Variants in PDE4D observed in about 807,000 individuals in gnomAD.
PDE4D encodes 3',5'-cyclic-AMP phosphodiesterase 4D.
In PDE4D, 24 loss-of-function variants were observed where a neutral mutation model predicts 87.4. That is an observed-to-expected ratio of 0.27 (90% confidence interval 0.20 to 0.39). PDE4D has a LOEUF of 0.39. PDE4D is among the 10% of genes least tolerant of loss of function. PDE4D has a pLI of 1.00. For synonymous variants in PDE4D, 384 were observed against 383.2 expected, an observed-to-expected ratio of 1.00 and a Z score of -0.02; for missense variants, 714 against 1,041.0, an observed-to-expected ratio of 0.69 and a Z score of 4.32.
intron 2 of PDE4D, among the ~76,000 whole-genome samples, chr5:60,102,031 G>C (rs959744807): frequency 1.3e-5 from 2 of 152,002 alleles, no homozygotes; most frequent in African/African-American, 2.4e-5. Flanking sequence ...ATTGAGTTTG[G>C]AGTCACTGAT....
chr5:60,350,704 A>G (rs1345033311), intron 1 of PDE4D, among the ~76,000 whole-genome samples: 1 of 152,182 alleles, frequency 6.6e-6, no homozygotes, highest in Non-Finnish European at 1.5e-5. Flanking sequence ...ATATATATGA[A>G]ATAAACTAAT....
At chr5:60,073,959 AT>A (rs1773012305) in intron 2 of PDE4D, among the ~76,000 whole-genome samples, 1 of 151,514 alleles carries the variant, frequency 6.6e-6, no homozygotes, top group African/African-American at 2.4e-5. Context: ...TGTCTTATTA[AT>A]TTTTCAAAAA....
At chr5:59,863,611 T>C (rs764239133) in intron 1 of PDE4D, among the ~76,000 whole-genome samples, 23 of 152,154 alleles carry the variant, frequency 1.5e-4, no homozygotes, top group Non-Finnish European at 3.1e-4. Context: ...TGATGGTACT[T>C]CTATCTACAT....
intron 2 of PDE4D, among the ~76,000 whole-genome samples, chr5:60,175,494 C>T (rs770097342): frequency 3.9e-5 from 6 of 151,972 alleles, no homozygotes; most frequent in Non-Finnish European, 7.4e-5. Flanking sequence ...TGCTGAAAGC[C>T]GGATATCTTG....
At chr5:59,990,230 C>T (rs1274505554) in intron 2 of PDE4D, among the ~76,000 whole-genome samples, 4 of 152,066 alleles carry the variant, frequency 2.6e-5, no homozygotes, top group Non-Finnish European at 4.4e-5. Flanking sequence ...TAATATTTAC[C>T]TCTCGGAGTC....
At chr5:59,675,466 G>A (rs1261923080) in intron 1 of PDE4D, among the ~76,000 whole-genome samples, 1 of 152,076 alleles carries the variant, frequency 6.6e-6, no homozygotes, top group East Asian at 1.9e-4. Flanking sequence ...TGATATTTTT[G>A]GCAAAATATC....
At chr5:59,668,090 G>A (rs1746373231) in intron 1 of PDE4D, among the ~76,000 whole-genome samples, 1 of 152,158 alleles carries the variant, frequency 6.6e-6, no homozygotes, top group Non-Finnish European at 1.5e-5. Flanking sequence ...AGCAGTTCAA[G>A]TCTCTTTGAT....
intron 2 of PDE4D, among the ~76,000 whole-genome samples, chr5:60,047,183 A>G (rs1223699594): frequency 2.0e-5 from 3 of 152,152 alleles, no homozygotes; most frequent in Non-Finnish European, 4.4e-5. Context: ...CTCTGATGGT[A>G]GTTTGTATTT....
At chr5:60,029,703 A>G (rs933905421) in intron 2 of PDE4D, among the ~76,000 whole-genome samples, 1 of 150,250 alleles carries the variant, frequency 6.7e-6, no homozygotes, top group Admixed American at 6.6e-5. Flanking sequence ...TTCATCATCT[A>G]CCACCCGCCA....
chr5:59,542,012 T>C (rs1816438599), intron 1 of PDE4D, among the ~76,000 whole-genome samples: 1 of 152,178 alleles, frequency 6.6e-6, no homozygotes, highest in South Asian at 2.1e-4. Context: ...CACAATGTTT[T>C]GTTGCCCCTT....
At chr5:59,962,059 G>A (rs1413868086) in intron 3 of PDE4D, among the ~76,000 whole-genome samples, 1 of 151,442 alleles carries the variant, frequency 6.6e-6, no homozygotes, top group African/African-American at 2.4e-5. Context: ...AATTTTTTTA[G>A]ATTAAAGGAC....
At chr5:59,653,052 C>T (rs1354132971) in intron 1 of PDE4D, among the ~76,000 whole-genome samples, 1 of 151,582 alleles carries the variant, frequency 6.6e-6, no homozygotes, top group Non-Finnish European at 1.5e-5. Flanking sequence ...ACATTTCCAT[C>T]CAAAAAAAGA....
At chr5:60,274,339 CGTTGTTGTTGTTGTT>C (rs34740331) in intron 1 of PDE4D, among the ~76,000 whole-genome samples, 1 of 150,166 alleles carries the variant, frequency 6.7e-6, no homozygotes, top group African/African-American at 2.5e-5. Flanking sequence ...TGGTTCTTGT[CGTTGTTGTTGTTGTT>C]GTTGTTGTTG....
intron 1 of PDE4D, among the ~76,000 whole-genome samples, chr5:59,659,767 G>A (rs1463399854): frequency 6.6e-6 from 1 of 152,184 alleles, no homozygotes; most frequent in African/African-American, 2.4e-5. Flanking sequence ...CTGCTACAGT[G>A]TGCACGAAAT....
intron 2 of PDE4D, among the ~76,000 whole-genome samples, chr5:60,051,262 T>C (rs1459455033): frequency 6.6e-6 from 1 of 152,136 alleles, no homozygotes; most frequent in African/African-American, 2.4e-5. Context: ...CTTGTCACAC[T>C]GATTCTAAAA....
intron 1 of PDE4D, among the ~76,000 whole-genome samples, chr5:60,358,510 TG>T (rs1759803680): frequency 6.6e-6 from 1 of 152,148 alleles, no homozygotes; most frequent in Non-Finnish European, 1.5e-5. Context: ...TATCTCATTC[TG>T]ATAGATATTC....
chr5:59,844,635 C>T (rs1743542483), intron 1 of PDE4D, among the ~76,000 whole-genome samples: 1 of 152,022 alleles, frequency 6.6e-6, no homozygotes, highest in Non-Finnish European at 1.5e-5. Flanking sequence ...GAAAATCCTT[C>T]CTTGTGGTAG....
intron 1 of PDE4D, among the ~76,000 whole-genome samples, 168 bp from the exon 2 acceptor site, chr5:59,216,136 A>T (rs950904306): frequency 3.3e-4 from 51 of 152,300 alleles, no homozygotes; most frequent in African/African-American, 1.1e-3. Context: ...TAAAAGAAAA[A>T]CACATTGACT....
chr5:60,501,813 T>C (rs1356691358), intron 1 of PDE4D, among the ~76,000 whole-genome samples: 1 of 152,234 alleles, frequency 6.6e-6, no homozygotes, highest in Admixed American at 6.5e-5. Context: ...TTGAGAAGTG[T>C]CTGTTCGTGT....
Sources: gnomAD v4.1 joint callset for allele counts (sites outside exome capture counted in the v4.1 genomes callset) on GRCh38, gnomAD v4.1.1 for gene constraint, MANE v1.5 for transcripts, NCBI Gene and HGNC (gene_info 2026-07-23, HGNC 2026-07-21) for gene names.